The following TINAG variants were observed in gnomAD, a reference collection of about 807,000 sequenced individuals.
TINAG encodes tubulointerstitial nephritis antigen.
Under a neutral mutation model 72.7 loss-of-function variants are expected in TINAG, and 83 were observed. The observed-to-expected ratio is 1.14, with a 90% confidence interval of 0.96 to 1.37. TINAG has a LOEUF of 1.37. Ranked by LOEUF, TINAG falls within the 40% of genes most tolerant of loss-of-function variation. The pLI is 0.00. For synonymous variants in TINAG, 234 were observed against 189.9 expected (o/e 1.23, Z -1.91); for missense variants, 685 against 576.6 (o/e 1.19, Z -1.93).
chr6:54,320,550 T>C (rs1784467444), intron 1 of TINAG, 29 bp from the exon 2 acceptor site: 9 of 1,568,408 alleles, frequency 5.7e-6, no homozygotes, highest in Non-Finnish European at 7.0e-6. Context: ...AGTTTAGCAT[T>C]TTCATTTCTT....
At chr6:54,323,325 G>A (rs910002743) in intron 3 of TINAG, among the ~76,000 whole-genome samples, 2 of 151,898 alleles carry the variant, frequency 1.3e-5, no homozygotes, top group African/African-American at 2.4e-5. Context: ...TTATTTACCA[G>A]GGCAAAAAAG....
At chr6:54,311,557 C>T (rs1315631603) in intron 1 of TINAG, among the ~76,000 whole-genome samples, 1 of 152,212 alleles carries the variant, frequency 6.6e-6, no homozygotes, top group Non-Finnish European at 1.5e-5. Flanking sequence ...GTAACCTTTA[C>T]TTATATAATC....
chr6:54,349,053 CTA>C (rs1785197909), intron 6 of TINAG, among the ~76,000 whole-genome samples: 2 of 151,892 alleles, frequency 1.3e-5, no homozygotes, highest in African/African-American at 2.4e-5. Flanking sequence ...TTCTACTTTG[CTA>C]TGTTTACTTT....
At chr6:54,323,547 T>C (rs1784538684) in intron 3 of TINAG, among the ~76,000 whole-genome samples, 1 of 152,248 alleles carries the variant, frequency 6.6e-6, no homozygotes, top group Non-Finnish European at 1.5e-5. Context: ...CAAGTCTTTA[T>C]TTATTCTATG....
chr6:54,318,405 G>A (rs1323447091), intron 1 of TINAG, among the ~76,000 whole-genome samples: 2 of 152,072 alleles, frequency 1.3e-5, no homozygotes, highest in African/African-American at 2.4e-5. Flanking sequence ...TCCTAATGAG[G>A]TATCTTTGAT....
chr6:54,371,981 G>GTTTTTTTTTTTT (rs576340253), intron 9 of TINAG, among the ~76,000 whole-genome samples: 2 of 71,432 alleles, frequency 2.8e-5, no homozygotes, highest in Admixed American at 1.9e-4. Flanking sequence ...TTCAAGTCAT[G>GTTTTTTTTTTTT]TTTTTTTTTT....
chr6:54,377,106 G>A (rs1048047941), intron 9 of TINAG, among the ~76,000 whole-genome samples: 1 of 152,044 alleles, frequency 6.6e-6, no homozygotes, highest in East Asian at 1.9e-4. Context: ...CAATTTAAAA[G>A]AACCGTATTA....
chr6:54,380,754 T>C (rs1390379817), intron 10 of TINAG, among the ~76,000 whole-genome samples, 183 bp downstream of exon 10: 1 of 151,948 alleles, frequency 6.6e-6, no homozygotes, highest in Non-Finnish European at 1.5e-5. Flanking sequence ...ATAGTTTTCC[T>C]CAACTCTCAG....
At position 54,321,288 on chromosome 6, in the gene TINAG, T is replaced by A. The variant is rs1383104093; in HGVS notation, c.420-9T>A. 1.2e-6 allele frequency: 2 copies of A among 1,612,218 alleles called. No homozygotes were observed. The highest frequency in any genetic ancestry group is 1.7e-6 in the Non-Finnish European group (2 of 1,178,646). On this transcript the variant is annotated splice_polypyrimidine_tract_variant and intron_variant, in intron 2 of 10. Transcript: ENST00000259782. ...CCAAGCCACTTTTGTAATTGTCATA[T>A]CTTTGCAGCACATGCTCAGGACAGC...
chr6:54,348,779 C>A (rs1271746384), intron 6 of TINAG, among the ~76,000 whole-genome samples: 1 of 152,112 alleles, frequency 6.6e-6, no homozygotes, highest in Admixed American at 6.6e-5. Flanking sequence ...CCACAGCACT[C>A]ATCATTTAAT....
rs772691748 is a variant in TINAG at position 54,308,769 on chromosome 6, G to T, written c.219G>T (p.Glu73Asp). ...CEDRDDGCVT[E>D]FYAANALCYC... ...ACAGAGATGATGGCTGTGTCACTGAGTTCTATGCGGCGAATGCGTTGTGCT... is the reference window on the plus strand; with the variant it reads ...ACAGAGATGATGGCTGTGTCACTGATTTCTATGCGGCGAATGCGTTGTGCT... Residue 73 changes from glutamate to aspartate, a missense_variant, in exon 1 of 11, where the codon GAG becomes GAT. By Grantham distance (45) the Glu-to-Asp change is conservative. Coordinates refer to ENST00000259782, the MANE Select transcript of TINAG (RefSeq NM_014464.4). The T allele has an allele frequency of 8.1e-6, 13 of 1,613,898 alleles. No homozygotes were observed. The highest frequency in any genetic ancestry group is 1.1e-5 in the Non-Finnish European group (13 of 1,179,894).
rs1306000695 is a variant in TINAG at position 54,372,861 on chromosome 6, T to C, written c.1251-7665T>C. 2.0e-5 allele frequency among the ~76,000 whole-genome samples: 3 copies of C among 151,652 alleles called. No individual in the cohort carries two copies. The East Asian group carries it at 5.8e-4, about 29-fold the overall frequency. ...CATATGTTGCTATGGCAATTTGCAA[T>C]GTCTTCTCTGCACAGAAATATCTAG... is the stretch of plus-strand genomic sequence containing the variant. On this transcript the variant is annotated intron_variant, in intron 9 of 10. Coordinates refer to ENST00000259782, the MANE Select transcript of TINAG (RefSeq NM_014464.4).
intron 9 of TINAG, among the ~76,000 whole-genome samples, chr6:54,360,851 T>TG (rs1428783181): frequency 4.7e-5 from 5 of 106,158 alleles, no homozygotes; most frequent in Admixed American, 9.0e-5. Flanking sequence ...GTTTTTTTTT[T>TG]TTTTTTTTTT....
chr6:54,378,982 C>T (rs1214912446), intron 9 of TINAG, among the ~76,000 whole-genome samples: 7 of 152,100 alleles, frequency 4.6e-5, no homozygotes, highest in African/African-American at 1.2e-4. Context: ...GCAATACCTC[C>T]GTGCTGTGGT....
At chr6:54,388,148 C>T (rs1483257118) in intron 10 of TINAG, among the ~76,000 whole-genome samples, 1 of 151,992 alleles carries the variant, frequency 6.6e-6, no homozygotes, top group East Asian at 1.9e-4. Context: ...ATTACTATTC[C>T]TAGCCATTTG....
At chr6:54,366,359 T>G (rs1180362585) in intron 9 of TINAG, among the ~76,000 whole-genome samples, 1 of 151,552 alleles carries the variant, frequency 6.6e-6, no homozygotes, top group East Asian at 1.9e-4. Context: ...TGTTCCCTCT[T>G]TTACTAGAAA....
At chr6:54,344,029 TC>T (rs574110346) in intron 5 of TINAG, among the ~76,000 whole-genome samples, 168 of 152,298 alleles carry the variant, frequency 1.1e-3, no homozygotes, top group African/African-American at 3.7e-3. Flanking sequence ...AAAATTGTCC[TC>T]AAAGGAGTGT....
intron 4 of TINAG, among the ~76,000 whole-genome samples, chr6:54,341,234 G>A (rs1784989277): frequency 6.6e-6 from 1 of 152,104 alleles, no homozygotes; most frequent in Admixed American, 6.6e-5. Context: ...TGAAGGGTAT[G>A]AGTTTTAAGA....
intron 9 of TINAG, chr6:54,367,086 T>C (rs1199246512): frequency 6.6e-6 from 1 of 151,810 alleles, no homozygotes; most frequent in Non-Finnish European, 1.5e-5. Flanking sequence ...TTAACTTACA[T>C]GCCTTTGCAG....
Sources: allele counts gnomAD v4.1 joint callset (sites outside exome capture counted in the v4.1 genomes callset), GRCh38; gene constraint gnomAD v4.1.1; transcripts MANE v1.5; gene names NCBI Gene and HGNC (gene_info 2026-07-23, HGNC 2026-07-21).